CCDC30: variants seen among roughly 807,000 people sequenced by gnomAD.
The protein encoded by CCDC30 is coiled-coil domain-containing protein 30.
CCDC30 carries 70 observed loss-of-function variants against 100.2 expected under a neutral mutation model. That is an observed-to-expected ratio of 0.70 (90% CI 0.58 to 0.85). The LOEUF (loss-of-function observed/expected upper bound fraction) is 0.85. Among genes scored for constraint, CCDC30 ranks in the 40% least tolerant of loss-of-function variants. CCDC30 has a pLI of 0.00. For synonymous variants in CCDC30, 233 were observed against 269.5 expected (o/e 0.86, Z 1.33); for missense variants, 652 against 771.2 (o/e 0.85, Z 1.83).
chr1:42,520,642 T>TC (rs1644625712), intron 6 of CCDC30, among the ~76,000 whole-genome samples: 1 of 135,438 alleles, frequency 7.4e-6, no homozygotes, highest in African/African-American at 2.8e-5. Context: ...ATCTTTTTTT[T>TC]TTTTTTTTTT....
At chr1:42,626,863 C>T (rs1646942971) in intron 11 of CCDC30, among the ~76,000 whole-genome samples, 1 of 152,150 alleles carries the variant, frequency 6.6e-6, no homozygotes, top group South Asian at 2.1e-4. Context: ...TCCAATTAAA[C>T]CTCTTTTTAT....
At chr1:42,562,832 G>A (rs540400935) in intron 6 of CCDC30, among the ~76,000 whole-genome samples, 3 of 152,202 alleles carry the variant, frequency 2.0e-5, no homozygotes, top group South Asian at 4.1e-4. Flanking sequence ...ACATTTACGT[G>A]GCCAACAAAC....
chr1:42,627,185 G>A (rs1366540741), intron 11 of CCDC30, among the ~76,000 whole-genome samples: 1 of 152,148 alleles, frequency 6.6e-6, no homozygotes, highest in African/African-American at 2.4e-5. Context: ...CTGGAGCAAG[G>A]GTGATTCTTG....
At position 42,530,201 on chromosome 1, in the gene CCDC30, TAA is replaced by T. The variant is rs1644785732; in HGVS notation, c.456+31286_456+31287del. 2.0e-5 allele frequency among the ~76,000 whole-genome samples: 3 copies of T among 152,342 alleles called. No individual in the cohort carries two copies. The South Asian group carries it at 6.2e-4, about 32-fold the overall frequency. ...TAGTCTAATGCCATGTCATAATGCCTAAGTCATTCACCTTCACCTCATTATTT... is the reference window on the plus strand; with the variant it reads ...TAGTCTAATGCCATGTCATAATGCCTGTCATTCACCTTCACCTCATTATTT... On this transcript the variant is annotated intron_variant, in intron 6 of 16. Transcript: ENST00000668663.
At chr1:42,474,764 G>A (rs1031734357) in intron 1 of CCDC30, among the ~76,000 whole-genome samples, 1 of 152,132 alleles carries the variant, frequency 6.6e-6, no homozygotes, top group African/African-American at 2.4e-5. Context: ...TCCAAAGTGG[G>A]AGAATAATAG....
intron 6 of CCDC30, among the ~76,000 whole-genome samples, chr1:42,517,661 A>G (rs1389281035): frequency 2.6e-5 from 4 of 152,184 alleles, no homozygotes; most frequent in Non-Finnish European, 5.9e-5. Flanking sequence ...ACCATTTACT[A>G]GAAAACTTTC....
At chr1:42,655,417 C>T (rs982800960), downstream of CCDC30, among the ~76,000 whole-genome samples, 14 of 152,040 alleles carry the variant, frequency 9.2e-5, no homozygotes, top group South Asian at 2.1e-4. Context: ...TGGTAGTGCG[C>T]GCGCCTGTAG....
intron 6 of CCDC30, among the ~76,000 whole-genome samples, chr1:42,548,488 A>G (rs1257974219): frequency 6.6e-6 from 1 of 152,208 alleles, no homozygotes; most frequent in Non-Finnish European, 1.5e-5. Context: ...GGAAGCAAGT[A>G]AAACAAGGGC....
chr1:42,579,182 G>T (rs972811410), intron 8 of CCDC30, among the ~76,000 whole-genome samples: 8 of 151,900 alleles, frequency 5.3e-5, no homozygotes, highest in Non-Finnish European at 1.0e-4. Flanking sequence ...AGTAGAGACG[G>T]GGTTTCACCA....
At chr1:42,613,857 T>A (rs1386891812) in intron 11 of CCDC30, among the ~76,000 whole-genome samples, 1 of 152,088 alleles carries the variant, frequency 6.6e-6, no homozygotes, top group Non-Finnish European at 1.5e-5. Context: ...TCCTATCTCA[T>A]CCTGTGATTA....
Position 42,589,495 on chromosome 1 carries a change from A to T in CCDC30, c.1164+12A>T. The stretch of plus-strand genomic sequence containing the variant: ...GAAAATATGATGAGGTAAGAAAGTA[A>T]ATAGACATGCTTCTCAGTTTTCCTA... On this transcript the variant is annotated intron_variant, in intron 10 of 16. Transcript: ENST00000668663. 1 of 1,607,146 alleles carries T rather than the reference A, an allele frequency of 6.2e-7. No homozygotes were observed. Among genetic ancestry groups the T allele is most frequent in the Non-Finnish European group, 8.5e-7 (1 of 1,174,516 alleles).
At chr1:42,610,842 C>A in intron 10 of CCDC30, 136 bp from the exon 15 acceptor site, 1 of 520,062 alleles carries the variant, frequency 1.9e-6, no homozygotes, top group Non-Finnish European at 3.4e-6. Context: ...TACAGGAATC[C>A]CGTGAAGCTA....
rs577122028 is a variant in CCDC30 at position 42,526,030 on chromosome 1, T to C, written c.456+27114T>C. On this transcript the variant is annotated intron_variant, in intron 6 of 16. Transcript: ENST00000668663. ...GTTCTTTTCTCTGTGTGGCTCCCTT[T>C]TCTGTGGTACTCTATCCCACGTATT... 4.6e-5 allele frequency among the ~76,000 whole-genome samples: 7 copies of C among 152,338 alleles called. No individual in the cohort carries two copies. In the South Asian group the frequency reaches 1.5e-3, roughly 32 times the overall value.
intron 1 of CCDC30, among the ~76,000 whole-genome samples, chr1:42,474,829 GA>G (rs1257663869): frequency 6.6e-6 from 1 of 152,138 alleles, no homozygotes; most frequent in Non-Finnish European, 1.5e-5. Flanking sequence ...ATAGTGCCTG[GA>G]GCATATTCGC....
intron 6 of CCDC30, among the ~76,000 whole-genome samples, chr1:42,531,395 G>A (rs1306502250): frequency 1.3e-5 from 2 of 152,158 alleles, no homozygotes; most frequent in Admixed American, 6.5e-5. Flanking sequence ...GAATGAACTA[G>A]CATAGATGGT....
chr1:42,606,745 G>A (rs549480382), intron 10 of CCDC30, among the ~76,000 whole-genome samples: 47 of 152,160 alleles, frequency 3.1e-4, no homozygotes, highest in Admixed American at 9.2e-4. Flanking sequence ...TAGTGACGTC[G>A]GAAATGCTGC....
intron 6 of CCDC30, chr1:42,536,828 T>A: frequency 2.1e-6 from 1 of 474,890 alleles, no homozygotes; most frequent in South Asian, 2.8e-5. Context: ...GAGGGTTCTC[T>A]TCCTGGCTTG....
chr1:42,607,022 G>A (rs904956574), intron 10 of CCDC30, among the ~76,000 whole-genome samples: 26 of 152,162 alleles, frequency 1.7e-4, no homozygotes, highest in African/African-American at 6.3e-4. Context: ...CTATAAGAAG[G>A]GCATATCTAT....
chr1:42,554,520 C>T (rs1645327943), intron 6 of CCDC30, among the ~76,000 whole-genome samples: 1 of 151,488 alleles, frequency 6.6e-6, no homozygotes, highest in Non-Finnish European at 1.5e-5. Flanking sequence ...TCAGGTGATC[C>T]GCCCACCTCA....
Sources: gnomAD v4.1 joint callset for allele counts (sites outside exome capture counted in the v4.1 genomes callset) on GRCh38, gnomAD v4.1.1 for gene constraint, MANE v1.5 for transcripts, NCBI Gene and HGNC (gene_info 2026-07-23, HGNC 2026-07-21) for gene names.